Variants in PDE7B observed in about 807,000 individuals in gnomAD.
The protein encoded by PDE7B is phosphodiesterase 7B.
PDE7B carries 29 observed loss-of-function variants against 56.2 expected under a neutral mutation model. The ratio of observed to expected loss-of-function variants is 0.52; its 90% CI spans 0.38 to 0.70. PDE7B has a LOEUF of 0.70. Among genes scored for constraint, PDE7B ranks in the 30% least tolerant of loss-of-function variants. The pLI, the probability that PDE7B is intolerant of heterozygous loss-of-function variation, is 0.00. For synonymous variants in PDE7B, 197 were observed against 196.9 expected (o/e 1.00, Z 0.00); for missense variants, 490 against 565.0 (o/e 0.87, Z 1.35).
At chr6:135,877,158 C>A (rs955578613) in intron 1 of PDE7B, among the ~76,000 whole-genome samples, 2 of 152,088 alleles carry the variant, frequency 1.3e-5, no homozygotes, top group African/African-American at 4.8e-5. Context: ...TAATCTGCAA[C>A]CTGCTTGTTT....
intron 1 of PDE7B, among the ~76,000 whole-genome samples, chr6:135,887,291 T>G (rs568832636): frequency 1.3e-5 from 2 of 152,256 alleles, no homozygotes; most frequent in Non-Finnish European, 2.9e-5. Context: ...AGTTAATATT[T>G]GCAAAGATTT....
intron 2 of PDE7B, among the ~76,000 whole-genome samples, chr6:135,963,982 GGACAAAGA>G (rs1210374863): frequency 6.6e-6 from 1 of 152,118 alleles, no homozygotes; most frequent in African/African-American, 2.4e-5. Flanking sequence ...ACTTTCCCGA[GGACAAAGA>G]GACAGGCAAG....
At chr6:135,955,011 C>T (rs987253344) in intron 2 of PDE7B, among the ~76,000 whole-genome samples, 1 of 152,100 alleles carries the variant, frequency 6.6e-6, no homozygotes, top group African/African-American at 2.4e-5. Context: ...ATAGAAGTGT[C>T]AGTCTTGTAT....
chr6:136,037,740 G>A, intron 2 of PDE7B: 1 of 985,462 alleles, frequency 1.0e-6, no homozygotes, highest in Non-Finnish European at 1.2e-6. Context: ...TAGCAAAGGG[G>A]AAGCCCCGCT....
chr6:135,861,811 C>T (rs1775153257), intron 1 of PDE7B, among the ~76,000 whole-genome samples: 1 of 151,760 alleles, frequency 6.6e-6, no homozygotes, highest in Admixed American at 6.6e-5. Context: ...GTAATATCTT[C>T]TGGCTAGCTT....
chr6:135,983,732 TA>T (rs1438662496), intron 2 of PDE7B, among the ~76,000 whole-genome samples: 3 of 152,230 alleles, frequency 2.0e-5, no homozygotes, highest in African/African-American at 7.2e-5. Context: ...GCAGTCTATG[TA>T]AGAAGGATTC....
chr6:136,001,067 G>A (rs180915951), intron 2 of PDE7B, among the ~76,000 whole-genome samples: 254 of 152,316 alleles, frequency 1.7e-3, no homozygotes, highest in Non-Finnish European at 2.8e-3. Context: ...TGCAGCCACC[G>A]CTGCTGATAT....
intron 1 of PDE7B, among the ~76,000 whole-genome samples, chr6:135,902,812 A>G (rs976394152): frequency 2.0e-5 from 3 of 152,226 alleles, no homozygotes; most frequent in African/African-American, 7.2e-5. Context: ...TAGAAGAAGA[A>G]AAATAGCTAA....
rs991637990 is a variant in PDE7B, at chr6:136,123,583, G to A, written c.166+14769G>A. ...TTCTAGTTGGTCAAATGGTCTCTTC[G>A]CTGGGAATTGCCAAACAAGGATAAC... On this transcript the variant is annotated intron_variant, in intron 3 of 12. Transcript: ENST00000308191. 1.5e-3 allele frequency among the ~76,000 whole-genome samples: 222 copies of A among 152,260 alleles called. 2 individuals carry two copies. Among genetic ancestry groups the A allele is most frequent in the African/African-American group, 5.1e-3 (210 of 41,548 alleles).
intron 8 of PDE7B, 36 bp from the exon 9 acceptor site, chr6:136,173,761 C>T: frequency 1.5e-6 from 2 of 1,328,890 alleles, no homozygotes; most frequent in Non-Finnish European, 1.1e-6. Context: ...ATCTGGCTTC[C>T]CTCTCATTTA....
chr6:135,972,083 A>G (rs2128203001), intron 2 of PDE7B, among the ~76,000 whole-genome samples: 1 of 151,976 alleles, frequency 6.6e-6, no homozygotes, highest in East Asian at 1.9e-4. Context: ...GAAAATACAC[A>G]ATTAGCTGGG....
chr6:135,866,023 G>A (rs1397852051), intron 1 of PDE7B, among the ~76,000 whole-genome samples: 1 of 151,996 alleles, frequency 6.6e-6, no homozygotes, highest in Admixed American at 6.6e-5. Context: ...ATTTTATCTT[G>A]TATTTGAAAC....
intron 3 of PDE7B, among the ~76,000 whole-genome samples, chr6:136,109,301 T>C (rs532273882): frequency 6.6e-6 from 1 of 152,330 alleles, no homozygotes; most frequent in East Asian, 1.9e-4. Context: ...ATTGCACCAC[T>C]GCCTTCCAGC....
At chr6:135,954,905 C>T (rs1774762431) in intron 2 of PDE7B, among the ~76,000 whole-genome samples, 2 of 152,092 alleles carry the variant, frequency 1.3e-5, no homozygotes, top group African/African-American at 4.8e-5. Flanking sequence ...TTTTTGAATG[C>T]AGCTGGAAGC....
chr6:136,150,854 C>CGTGTGT (rs760532431), intron 5 of PDE7B, among the ~76,000 whole-genome samples: 3 of 73,558 alleles, frequency 4.1e-5, no homozygotes, highest in Admixed American at 1.6e-4. Flanking sequence ...CACATATACA[C>CGTGTGT]ATGTGTGTGT....
At chr6:135,931,423 G>A (rs1774290313) in intron 1 of PDE7B, among the ~76,000 whole-genome samples, 1 of 152,038 alleles carries the variant, frequency 6.6e-6, no homozygotes, top group African/African-American at 2.4e-5. Context: ...ATTACCCTTG[G>A]GATTTAGATG....
chr6:136,024,297 G>A (rs2128208400), intron 2 of PDE7B, among the ~76,000 whole-genome samples: 1 of 152,272 alleles, frequency 6.6e-6, no homozygotes, highest in African/African-American at 2.4e-5. Flanking sequence ...CAGATCAATA[G>A]TGAGGTAAAG....
chr6:135,886,038 CT>C (rs1432127649), intron 1 of PDE7B, among the ~76,000 whole-genome samples: 1 of 152,156 alleles, frequency 6.6e-6, no homozygotes, highest in Non-Finnish European at 1.5e-5. Context: ...CTGCTAGTTT[CT>C]TGCCTAACCT....
In PDE7B at chr6:136,191,897, C is replaced by A. The variant is rs1351965438; in HGVS notation, c.*57C>A. On this transcript the variant is annotated 3_prime_UTR_variant, in exon 13 of 13. Transcript: ENST00000308191. ...CGGCAGGGCCCCCAGAGGGCAGAAG[C>A]AGCGTGGAGGGGCCCTCACGCAGCA... 2.2e-6 allele frequency: 3 copies of A among 1,344,792 alleles called. No individual in the cohort carries two copies. Among genetic ancestry groups the A allele is most frequent in the Non-Finnish European group, 3.1e-6 (3 of 968,854 alleles). 83.3% of individuals were successfully genotyped at this position (1,344,792 alleles called of 1,614,324 possible). A position where few individuals can be genotyped will look rare whatever the true frequency, so the allele number is the denominator to read the frequency against.
Sources: allele counts gnomAD v4.1 joint callset (sites outside exome capture counted in the v4.1 genomes callset), GRCh38; gene constraint gnomAD v4.1.1; transcripts MANE v1.5; gene names NCBI Gene and HGNC (gene_info 2026-07-23, HGNC 2026-07-21).